Variants in SUPT3H observed in about 807,000 individuals in gnomAD.
SUPT3H encodes the protein SPT3 homolog, SAGA and STAGA complex component.
In SUPT3H, 44 loss-of-function variants were observed where a neutral mutation model predicts 44.3. That is an observed-to-expected ratio of 0.99 (90% confidence interval 0.78 to 1.28). The LOEUF (loss-of-function observed/expected upper bound fraction) is 1.28, where lower values mean the gene tolerates loss of function less well. SUPT3H is among the 50% of genes most tolerant of loss of function. SUPT3H has a pLI of 0.00. For synonymous variants in SUPT3H, 124 were observed against 125.6 expected (o/e 0.99, Z 0.09); for missense variants, 380 against 387.1 (o/e 0.98, Z 0.15).
At chr6:45,270,153 C>A (rs561775522) in intron 2 of SUPT3H, among the ~76,000 whole-genome samples, 1 of 152,032 alleles carries the variant, frequency 6.6e-6, no homozygotes, top group Non-Finnish European at 1.5e-5. Context: ...AGAATATAAA[C>A]CTTATGTTCA....
intron 2 of SUPT3H, among the ~76,000 whole-genome samples, chr6:45,110,698 A>G (rs2153573865): frequency 6.6e-6 from 1 of 152,198 alleles, no homozygotes; most frequent in South Asian, 2.1e-4. Context: ...TACTCTTTTA[A>G]TCTCTCTATA....
intron 10 of SUPT3H, among the ~76,000 whole-genome samples, chr6:44,887,796 C>T (rs977129446): frequency 3.3e-5 from 5 of 151,186 alleles, no homozygotes; most frequent in Middle Eastern, 3.4e-3. Flanking sequence ...AATAGAGACA[C>T]AAAAAACCCT....
intron 2 of SUPT3H, among the ~76,000 whole-genome samples, chr6:45,294,763 A>AAAG (rs1780876159): frequency 1.1e-5 from 1 of 94,840 alleles, no homozygotes; most frequent in African/African-American, 3.8e-5. Flanking sequence ...AAAAAAAAAA[A>AAAG]CAACTTAGGA....
intron 3 of SUPT3H, among the ~76,000 whole-genome samples, chr6:45,044,757 T>A (rs1420267701): frequency 2.0e-5 from 3 of 152,132 alleles, no homozygotes; most frequent in Non-Finnish European, 4.4e-5. Context: ...CGCTTTCAAC[T>A]CAAAGTGTTA....
chr6:45,031,241 A>G (rs1448372586), intron 3 of SUPT3H, among the ~76,000 whole-genome samples: 1 of 152,214 alleles, frequency 6.6e-6, no homozygotes, highest in Non-Finnish European at 1.5e-5. Flanking sequence ...TTATTATCAA[A>G]TTATTATTAA....
chr6:44,929,819 T>C (rs1770252572), intron 10 of SUPT3H, among the ~76,000 whole-genome samples: 1 of 150,252 alleles, frequency 6.7e-6, no homozygotes, highest in Admixed American at 6.7e-5. Flanking sequence ...CAAGACAGGG[T>C]GGCCGCGTTA....
intron 9 of SUPT3H, among the ~76,000 whole-genome samples, chr6:44,949,338 A>G (rs1039527714): frequency 7.9e-5 from 12 of 152,132 alleles, no homozygotes; most frequent in Non-Finnish European, 1.6e-4. Flanking sequence ...ATGTATACAT[A>G]TGTAACAAAC....
intron 10 of SUPT3H, among the ~76,000 whole-genome samples, chr6:44,833,392 A>G (rs1769224127): frequency 6.6e-6 from 1 of 152,270 alleles, no homozygotes; most frequent in Non-Finnish European, 1.5e-5. Flanking sequence ...AGATAAATAG[A>G]CAGTCCCTGG....
chr6:45,217,724 C>G (rs977932789), intron 2 of SUPT3H, among the ~76,000 whole-genome samples: 5 of 152,084 alleles, frequency 3.3e-5, no homozygotes, highest in Admixed American at 2.0e-4. Context: ...AATCCAGTCT[C>G]TACAAAAATA....
intron 2 of SUPT3H, among the ~76,000 whole-genome samples, chr6:45,230,660 G>GCA (rs765270979): frequency 0.011 from 553 of 50,970 alleles, 21 homozygotes; most frequent in Non-Finnish European, 0.017. Context: ...AATTCATTCA[G>GCA]TCTATATATA....
intron 2 of SUPT3H, among the ~76,000 whole-genome samples, chr6:45,331,126 T>TGC (rs1352072883): frequency 0.011 from 1,438 of 132,898 alleles, 23 homozygotes; most frequent in African/African-American, 0.035. Context: ...TGTGTGTGTG[T>TGC]GCGCGCGCGC....
At chr6:44,820,835 A>G (rs1356874537) in intron 11 of SUPT3H, among the ~76,000 whole-genome samples, 3 of 152,132 alleles carry the variant, frequency 2.0e-5, no homozygotes, top group Non-Finnish European at 2.9e-5. Context: ...GTGGTCAGAG[A>G]AGGTCTTATA....
intron 2 of SUPT3H, among the ~76,000 whole-genome samples, chr6:45,253,549 G>C (rs1467113973): frequency 6.6e-6 from 1 of 151,988 alleles, no homozygotes; most frequent in Non-Finnish European, 1.5e-5. Context: ...CAAGAACTTT[G>C]GGAGGCTGAA....
intron 2 of SUPT3H, among the ~76,000 whole-genome samples, chr6:45,172,597 T>A (rs796513722): frequency 0.11 from 586 of 5,226 alleles, 2 homozygotes; most frequent in African/African-American, 0.25. Flanking sequence ...AGATATATTT[T>A]TTTTTTTTTT....
chr6:45,288,531 A>ATGTG (rs141680515), intron 2 of SUPT3H, among the ~76,000 whole-genome samples: 14 of 30,680 alleles, frequency 4.6e-4, no homozygotes, highest in African/African-American at 7.7e-4. Flanking sequence ...AAGAGATACA[A>ATGTG]TGTGTGTGTG....
chr6:45,113,827 C>CAAAA (rs374606230), intron 2 of SUPT3H, among the ~76,000 whole-genome samples: 3 of 112,726 alleles, frequency 2.7e-5, no homozygotes, highest in Middle Eastern at 5.0e-3. Context: ...AAGACTCCAT[C>CAAAA]AAAAAAAAAA....
At chr6:44,995,893 T>A (rs1445856822) in intron 6 of SUPT3H, among the ~76,000 whole-genome samples, 14 of 151,948 alleles carry the variant, frequency 9.2e-5, no homozygotes, top group Non-Finnish European at 1.6e-4. Flanking sequence ...GTAAATCTCA[T>A]CCTCCACTGT....
intron 2 of SUPT3H, among the ~76,000 whole-genome samples, chr6:45,285,469 AT>A (rs1206183197): frequency 6.6e-6 from 1 of 152,146 alleles, no homozygotes; most frequent in Non-Finnish European, 1.5e-5. Context: ...AGAGAGCCAA[AT>A]CGTGAGTGAA....
chr6:45,293,079 A>G (rs1185727510), intron 2 of SUPT3H, among the ~76,000 whole-genome samples: 2 of 152,092 alleles, frequency 1.3e-5, no homozygotes, highest in Non-Finnish European at 2.9e-5. Flanking sequence ...CAGACCACAC[A>G]ATGGGGCACA....
Sources: gnomAD v4.1 joint callset for allele counts (sites outside exome capture counted in the v4.1 genomes callset) on GRCh38, gnomAD v4.1.1 for gene constraint, MANE v1.5 for transcripts, NCBI Gene and HGNC (gene_info 2026-07-23, HGNC 2026-07-21) for gene names.